Variants in FAT3 observed in about 807,000 individuals in gnomAD.
FAT3 encodes the protein FAT atypical cadherin 3.
Under a neutral mutation model 310.2 loss-of-function variants are expected in FAT3, and 95 were observed. That is an observed-to-expected ratio of 0.31 (90% confidence interval 0.26 to 0.36). FAT3 has a LOEUF of 0.36. Ranked by LOEUF, FAT3 falls within the 10% of genes least tolerant of loss-of-function variation. The pLI, the probability that FAT3 is intolerant of heterozygous loss-of-function variation, is 1.00. For missense variants in FAT3, 5,408 were observed against 5,715.6 expected, an observed-to-expected ratio of 0.95 and a Z score of 1.74; for synonymous variants, 2,314 against 2,192.9, an observed-to-expected ratio of 1.06 and a Z score of -1.54.
intron 4 of FAT3, among the ~76,000 whole-genome samples, chr11:92,752,877 G>A (rs941336711): frequency 2.6e-5 from 4 of 152,050 alleles, no homozygotes; most frequent in Admixed American, 2.6e-4. Flanking sequence ...AAGGAAGCTG[G>A]TATATGGGAA....
intron 3 of FAT3, among the ~76,000 whole-genome samples, chr11:92,666,531 T>C (rs895921134): frequency 6.6e-6 from 1 of 151,576 alleles, no homozygotes; most frequent in Admixed American, 6.6e-5. Context: ...TTTTTTTTTT[T>C]TTGTATCTTT....
At chr11:92,716,551 C>T (rs562289440) in intron 4 of FAT3, among the ~76,000 whole-genome samples, 1 of 152,298 alleles carries the variant, frequency 6.6e-6, no homozygotes, top group Non-Finnish European at 1.5e-5. Context: ...CTTAGTTTTA[C>T]TCATTTCCAT....
intron 3 of FAT3, among the ~76,000 whole-genome samples, chr11:92,657,834 A>G (rs142318813): frequency 8.8e-4 from 134 of 152,292 alleles, no homozygotes; most frequent in African/African-American, 3.0e-3. Flanking sequence ...CAACTAATCC[A>G]TTACAAAGGA....
chr11:92,553,262 G>C (rs1954884130), intron 3 of FAT3, among the ~76,000 whole-genome samples: 1 of 152,088 alleles, frequency 6.6e-6, no homozygotes, highest in South Asian at 2.1e-4. Context: ...TCATATATAA[G>C]ATATTTTCTA....
intron 6 of FAT3, among the ~76,000 whole-genome samples, chr11:92,771,776 A>C (rs1035618470): frequency 6.0e-5 from 9 of 149,644 alleles, no homozygotes; most frequent in African/African-American, 2.2e-4. Flanking sequence ...AAAAAAAAAA[A>C]CATAAAATTA....
intron 1 of FAT3, among the ~76,000 whole-genome samples, chr11:92,253,546 G>A (rs1296519859): frequency 6.6e-6 from 1 of 152,066 alleles, no homozygotes; most frequent in Non-Finnish European, 1.5e-5. Flanking sequence ...GCTCTGAGCT[G>A]TTCCTCTGTG....
At chr11:92,864,861 GAAC>G (rs1274334642) in intron 21 of FAT3, among the ~76,000 whole-genome samples, 5 of 152,140 alleles carry the variant, frequency 3.3e-5, no homozygotes, top group Admixed American at 2.0e-4. Flanking sequence ...AGCTCTCAGA[GAAC>G]ATAAACATTT....
chr11:92,252,490 T>C (rs557231229), intron 1 of FAT3, among the ~76,000 whole-genome samples: 7 of 152,238 alleles, frequency 4.6e-5, no homozygotes, highest in Non-Finnish European at 1.0e-4. Context: ...GACCATTTCA[T>C]AGGAGTCCTA....
chr11:92,605,516 A>T (rs985889220), intron 3 of FAT3, among the ~76,000 whole-genome samples: 3 of 152,152 alleles, frequency 2.0e-5, no homozygotes, highest in Admixed American at 2.0e-4. Context: ...AAGCATACAC[A>T]TTAGTATATA....
At chr11:92,697,762 G>A (rs574094603) in intron 4 of FAT3, among the ~76,000 whole-genome samples, 4 of 152,236 alleles carry the variant, frequency 2.6e-5, no homozygotes, top group African/African-American at 9.6e-5. Flanking sequence ...TGTGAGCCAC[G>A]GGGGCCACAG....
intron 1 of FAT3, among the ~76,000 whole-genome samples, chr11:92,284,125 G>A (rs1025891828): frequency 2.0e-5 from 3 of 152,030 alleles, no homozygotes; most frequent in East Asian, 1.9e-4. Context: ...AGAAAGCTAG[G>A]TGCAGAATAA....
Position 92,435,468 on chromosome 11 carries a change from ATCCTTCCTTCCTTCCTTCCTTCCT to A in FAT3, c.3292+80094_3292+80117del, listed in dbSNP as rs371109407. ...TATTTCTTCACATTTTCTTTTATTT[ATCCTTCCTTCCTTCCTTCCTTCCT>A]TCCTTCCTTCCTTCCTTCCTTCCTT... is the stretch of plus-strand genomic sequence containing the variant. On this transcript the variant is annotated intron_variant, in intron 2 of 27. Transcript: ENST00000525166. 6.1e-4 allele frequency among the ~76,000 whole-genome samples: 66 copies of A among 108,042 alleles called. 1 individual carries two copies. The highest frequency in any genetic ancestry group is 2.0e-3 in the African/African-American group (62 of 30,720). The allele number at this position is 108,042 out of a possible 152,430, so 70.9% of individuals were successfully genotyped here.
intron 3 of FAT3, among the ~76,000 whole-genome samples, chr11:92,564,942 C>T: frequency 7.0e-6 from 1 of 142,184 alleles, no homozygotes; most frequent in Non-Finnish European, 1.5e-5. Context: ...CAGGAAAGAT[C>T]CAAAATTGAC....
chr11:92,715,656 A>G (rs183092539), intron 4 of FAT3, among the ~76,000 whole-genome samples: 3 of 152,154 alleles, frequency 2.0e-5, no homozygotes, highest in Admixed American at 6.5e-5. Context: ...AGAATAACAC[A>G]GGTGAAGTAC....
At position 92,893,088 on chromosome 11, in the gene FAT3, ATATTTT is replaced by A. The variant is rs149624681; in HGVS notation, c.*1978_*1983del. ...TAGTCTGTGCATTATTCACTCAGACATATTTTTAGTTATTTCAATTGCGTTTAATCC... is the reference window on the plus strand; with the variant it reads ...TAGTCTGTGCATTATTCACTCAGACATAGTTATTTCAATTGCGTTTAATCC... On this transcript the variant is annotated 3_prime_UTR_variant, in exon 28 of 28. Transcript: ENST00000525166. 1.3e-3 allele frequency: 192 copies of A among 152,304 alleles called. No homozygotes were observed. The highest frequency in any genetic ancestry group is 4.3e-3 in the African/African-American group (180 of 41,568). 9.4% of individuals were successfully genotyped at this position (152,304 alleles called of 1,614,324 possible). A position where few individuals can be genotyped will look rare whatever the true frequency, so the allele number is the denominator to read the frequency against.
intron 3 of FAT3, among the ~76,000 whole-genome samples, chr11:92,592,083 G>A (rs913484235): frequency 2.0e-5 from 3 of 152,096 alleles, no homozygotes; most frequent in East Asian, 1.9e-4. Context: ...TTAATAAAAC[G>A]AGAAACGATG....
intron 4 of FAT3, among the ~76,000 whole-genome samples, chr11:92,706,684 C>G (rs919395350): frequency 6.6e-6 from 1 of 152,160 alleles, no homozygotes; most frequent in African/African-American, 2.4e-5. Flanking sequence ...AATTTGTAAT[C>G]CTCTCAGAAT....
chr11:92,251,797 C>G (rs184917108), intron 1 of FAT3, among the ~76,000 whole-genome samples: 6 of 152,004 alleles, frequency 3.9e-5, no homozygotes, highest in Admixed American at 3.9e-4. Context: ...TAAGGTCTCA[C>G]CCTCATGAAG....
intron 4 of FAT3, among the ~76,000 whole-genome samples, chr11:92,746,375 G>A (rs1463655255): frequency 6.6e-6 from 1 of 152,174 alleles, no homozygotes; most frequent in Non-Finnish European, 1.5e-5. Context: ...CAGATCCCAT[G>A]AAACTTATTC....
Sources: allele counts gnomAD v4.1 joint callset (sites outside exome capture counted in the v4.1 genomes callset), GRCh38; gene constraint gnomAD v4.1.1; transcripts MANE v1.5; gene names NCBI Gene and HGNC (gene_info 2026-07-23, HGNC 2026-07-21).